The following CPT1A variants were observed in gnomAD, a reference collection of about 807,000 sequenced individuals.
The protein encoded by CPT1A is carnitine O-palmitoyltransferase 1, liver isoform.
A neutral mutation model predicts 100.8 loss-of-function variants in CPT1A; 64 were observed. The ratio of observed to expected loss-of-function variants is 0.63; its 90% confidence interval spans 0.52 to 0.78. The LOEUF is 0.78. CPT1A is among the 30% of genes least tolerant of loss of function. The pLI, the probability that CPT1A is intolerant of heterozygous loss-of-function variation, is 0.00. For synonymous variants in CPT1A, 363 were observed against 396.0 expected (o/e 0.92, Z 0.99); for missense variants, 802 against 1,034.1 (o/e 0.78, Z 3.08).
At chr11:68,764,723 C>A (rs958716536) in intron 14 of CPT1A, among the ~76,000 whole-genome samples, 3 of 152,304 alleles carry the variant, frequency 2.0e-5, no homozygotes, top group Admixed American at 6.5e-5. Flanking sequence ...GGACCAGGGC[C>A]CCTGAAAGGC....
rs1202737344 is a variant in CPT1A, at chr11:68,762,739, G to A, written c.1763C>T (p.Thr588Ile). ...HYKDMGKFCLTYEASMTRLFR... is the reference protein window; with the variant it reads ...HYKDMGKFCLIYEASMTRLFR... Reference sequence around the variant, plus strand: ...GAGCCGGGTCATGGAGGCCTCGTATGTGAGGCAAAACTTGCCCATGTCCTG... The same window carrying A: ...GAGCCGGGTCATGGAGGCCTCGTATATGAGGCAAAACTTGCCCATGTCCTG... The change falls in exon 15 of 19, where the codon ACA becomes ATA. Residue 588 changes from threonine to isoleucine, a missense_variant. By Grantham distance (89) the Thr-to-Ile change is moderately conservative. Around this residue, in one of 4 missense-constraint regions of CPT1A, gnomAD observed 627 missense variants for 799.3 expected, o/e 0.78. Transcript: ENST00000265641. The A allele has an allele frequency of 6.2e-7, 1 of 1,614,146 alleles. No homozygotes were observed. The highest frequency in any genetic ancestry group is 1.7e-5 in the Admixed American group (1 of 60,030).
At chr11:68,783,591 G>A (rs1044141172) in intron 10 of CPT1A, among the ~76,000 whole-genome samples, 10 of 152,332 alleles carry the variant, frequency 6.6e-5, no homozygotes, top group East Asian at 1.9e-4. Context: ...CAGCGATAGC[G>A]TAGCAGTTGT....
intron 1 of CPT1A, among the ~76,000 whole-genome samples, chr11:68,834,545 T>C (rs1005301085): frequency 1.3e-5 from 2 of 152,040 alleles, no homozygotes; most frequent in African/African-American, 4.8e-5. Context: ...TGAGCCCAGG[T>C]ATTTGAGACC....
chr11:68,793,383 G>A lies in CPT1A; in HGVS notation c.899C>T (p.Thr300Met), dbSNP rs751848750. ...CCACTGAGCGGAGCAGAGTGGAATC[G>A]TGGATCCCAAAAGACGAATCTGTAA... Reference protein sequence around the residue: ...EIKPIRLLGSTIPLCSAQWER... With the variant: ...EIKPIRLLGSMIPLCSAQWER... The change falls in exon 9 of 19, where the codon ACG becomes ATG. Residue 300 changes from threonine (T) to methionine (M), a missense_variant. Coordinates refer to ENST00000265641, the MANE Select transcript of CPT1A (RefSeq NM_001876.4). The A allele has an allele frequency of 2.5e-5, 41 of 1,610,982 alleles. No homozygotes were observed. Among genetic ancestry groups the A allele is most frequent in the Non-Finnish European group, 3.3e-5 (39 of 1,178,510 alleles).
chr11:68,776,671 G>C (rs1440961963), intron 12 of CPT1A, among the ~76,000 whole-genome samples: 1 of 152,140 alleles, frequency 6.6e-6, no homozygotes, highest in Admixed American at 6.5e-5. Context: ...TTTAGGTCAG[G>C]AGTTCGAGAC....
Position 68,841,891 on chromosome 11 carries a change from G to C in CPT1A, c.-130C>G, listed in dbSNP as rs951127271. The C allele has an allele frequency of 3.3e-4, 322 of 985,876 alleles. 1 individual carries two copies. The highest frequency in any genetic ancestry group is 3.8e-4 in the Non-Finnish European group (314 of 830,494). 61.1% of individuals were successfully genotyped at this position (985,876 alleles called of 1,614,324 possible). The stretch of plus-strand genomic sequence containing the variant: ...AGGAGGGCCGCGGGCGAGGCCGAGC[G>C]CACCCGACGCCGGCAGCAGCGGATT... On this transcript the variant is annotated 5_prime_UTR_variant, in exon 1 of 19. Transcript: ENST00000265641. This position sits in a 1 kb window ranked among gnomAD's most constrained non-coding sequence, Gnocchi z 6.3.
chr11:68,783,434 G>C lies in CPT1A; in HGVS notation c.1163+1381C>G, dbSNP rs1346805365. ...CCTGCTCTGCTACCCCGGGGCATGCGGCTCCACCCCCTGGACACCCACTGT... is the reference window on the plus strand; with the variant it reads ...CCTGCTCTGCTACCCCGGGGCATGCCGCTCCACCCCCTGGACACCCACTGT... On this transcript the variant is annotated intron_variant, in intron 10 of 18. Coordinates refer to ENST00000265641, the MANE Select transcript of CPT1A (RefSeq NM_001876.4). Among the ~76,000 whole-genome samples the C allele has an allele frequency of 2.0e-5, 3 of 152,090 alleles. No homozygotes were observed. In the East Asian group the frequency reaches 5.8e-4, roughly 30 times the overall value.
chr11:68,757,577 T>A lies in CPT1A; in HGVS notation c.*67A>T. The A allele has an allele frequency of 6.2e-7, 1 of 1,612,750 alleles. No individual in the cohort carries two copies. Reference sequence around the variant, plus strand: ...TTTCATCCCGAGCTAAGGTCAGGATTAATGCCTATTTTTCATTTGGTTTGC... The same window carrying A: ...TTTCATCCCGAGCTAAGGTCAGGATAAATGCCTATTTTTCATTTGGTTTGC... On this transcript the variant is annotated 3_prime_UTR_variant, in exon 19 of 19. Coordinates refer to ENST00000265641, the MANE Select transcript of CPT1A (RefSeq NM_001876.4).
At position 68,812,487 on chromosome 11, in the gene CPT1A, G is replaced by A. The variant is rs1856241635; in HGVS notation, c.231C>T (p.Ile77=). The change falls in exon 3 of 19, where the codon ATC becomes ATT. Residue 77 remains isoleucine (I), a synonymous_variant. Coordinates refer to ENST00000265641, the MANE Select transcript of CPT1A (RefSeq NM_001876.4). ...TTGCAATTATTCCTAACGAGGGGTC[G>A]ATCTTGGCGTACATCGTTGTCATCA... ...VGVMTTMYAK[I]DPSLGIIAKI... 22 of 1,614,028 alleles carry A rather than the reference G, an allele frequency of 1.4e-5. No individual in the cohort carries two copies. The highest frequency in any genetic ancestry group is 1.8e-5 in the Non-Finnish European group (21 of 1,180,024).
chr11:68,807,561 A>G lies in CPT1A; in HGVS notation c.359T>C (p.Val120Ala). 1 of 1,614,140 alleles carries G rather than the reference A, an allele frequency of 6.2e-7. No homozygotes were observed. Among genetic ancestry groups the G allele is most frequent in the Non-Finnish European group, 8.5e-7 (1 of 1,180,020 alleles). ...CACTTTCAGGGAGTAGCGCATGGTG[A>G]CGATGAGGGCCACCCACAGGCCGGT... The part of the protein sequence containing the change: ...FGTGLWVALI[V>A]TMRYSLKVLL... Residue 120 changes from valine (V) to alanine (A), a missense_variant, in exon 4 of 19, where the codon GTC becomes GCC. Transcript: ENST00000265641.
At chr11:68,831,446 C>T (rs911998845) in intron 1 of CPT1A, among the ~76,000 whole-genome samples, 2 of 152,124 alleles carry the variant, frequency 1.3e-5, no homozygotes, top group Non-Finnish European at 2.9e-5. Context: ...TACGTGACAA[C>T]GGACTTCCAA....
chr11:68,806,158 G>A (rs918134848), intron 4 of CPT1A, among the ~76,000 whole-genome samples: 2 of 151,948 alleles, frequency 1.3e-5, no homozygotes, highest in South Asian at 4.1e-4. Context: ...TAGGATTACA[G>A]GCATGCACCA....
At chr11:68,762,877 G>A (rs1594317954) in intron 14 of CPT1A, 116 bp from the exon 15 acceptor site, 1 of 1,354,744 alleles carries the variant, frequency 7.4e-7, no homozygotes, top group Non-Finnish European at 1.0e-6. Flanking sequence ...ACATTTTTTT[G>A]AGACGGGGTC....
intron 1 of CPT1A, among the ~76,000 whole-genome samples, chr11:68,817,167 G>A (rs1352605111): frequency 6.7e-6 from 1 of 148,310 alleles, no homozygotes; most frequent in Non-Finnish European, 1.5e-5. Flanking sequence ...GTGTGTGTGT[G>A]TGGTGTGTGT....
At chr11:68,831,036 C>T (rs1285911112) in intron 1 of CPT1A, among the ~76,000 whole-genome samples, 3 of 152,194 alleles carry the variant, frequency 2.0e-5, no homozygotes, top group African/African-American at 4.8e-5. Flanking sequence ...ATTTTGCTTA[C>T]GATTAACTTC....
chr11:68,814,607 C>T (rs560680015), intron 2 of CPT1A, among the ~76,000 whole-genome samples: 2 of 152,206 alleles, frequency 1.3e-5, no homozygotes, highest in African/African-American at 2.4e-5. Context: ...TGCACCCGGA[C>T]CTTATGCAGA....
chr11:68,811,110 G>A (rs1218907720), intron 3 of CPT1A, among the ~76,000 whole-genome samples: 3 of 152,130 alleles, frequency 2.0e-5, no homozygotes, highest in African/African-American at 7.2e-5. Flanking sequence ...CCTGGAAGGC[G>A]TGACTATAAA....
At chr11:68,817,961 GC>G (rs757894723) in intron 1 of CPT1A, among the ~76,000 whole-genome samples, 4 of 152,120 alleles carry the variant, frequency 2.6e-5, no homozygotes, top group Non-Finnish European at 5.9e-5. Context: ...GGCAGAGGCA[GC>G]CGGTGGGAGG....
rs186781911 is a variant in CPT1A at position 68,813,148 on chromosome 11, C to G, written c.142-572G>C. ...GGATCTTTAATCAGTCCTCTTCACT[C>G]TTGTGTATGTTTGACAACTCCAATT... On this transcript the variant is annotated intron_variant, in intron 2 of 18. Coordinates refer to ENST00000265641, the MANE Select transcript of CPT1A (RefSeq NM_001876.4). Among the ~76,000 whole-genome samples the G allele has an allele frequency of 2.6e-4, 39 of 152,036 alleles. 1 individual carries two copies. Among genetic ancestry groups the G allele is most frequent in the Admixed American group, 2.4e-3 (37 of 15,250 alleles).
Sources: gnomAD v4.1 joint callset for allele counts (sites outside exome capture counted in the v4.1 genomes callset) on GRCh38, gnomAD v4.1.1 for gene constraint, gnomAD v4.1.1 regional missense constraint, Gnocchi (gnomAD v3.1) non-coding constraint, MANE v1.5 for transcripts, NCBI Gene and HGNC (gene_info 2026-07-23, HGNC 2026-07-21) for gene names.